PRMT7: variants seen among roughly 807,000 people sequenced by gnomAD.
PRMT7 encodes the protein protein arginine N-methyltransferase 7.
Under a neutral mutation model 85.4 loss-of-function variants are expected in PRMT7, and 75 were observed. That is an observed-to-expected ratio of 0.88 (90% CI 0.73 to 1.06). The LOEUF is 1.06. Among genes scored for constraint, PRMT7 ranks in the 50% least tolerant of loss-of-function variants. PRMT7 has a pLI of 0.00. For synonymous variants in PRMT7, 397 were observed against 359.5 expected (o/e 1.10, Z -1.18); for missense variants, 868 against 915.2 (o/e 0.95, Z 0.67).
At chr16:68,335,066 G>A (rs979871138) in intron 6 of PRMT7, among the ~76,000 whole-genome samples, 1 of 152,144 alleles carries the variant, frequency 6.6e-6, no homozygotes, top group Non-Finnish European at 1.5e-5. Flanking sequence ...CAAAGTGCTG[G>A]AATTACAGGT....
chr16:68,357,087 G>GCCGTCTACTTCTTCAGC lies in PRMT7; in HGVS notation c.1945_1961dup (p.Ala655SerfsTer48). On this transcript the variant is annotated frameshift_variant, in exon 19 of 19. Transcript: ENST00000441236. LOFTEE classifies it low-confidence loss of function (END_TRUNC). ...CTGCTGGAACCCCCACTGCAAGCAG[G>GCCGTCTACTTCTTCAGC]CCGTCTACTTCTTCAGCCCTGCCCC... 1 of 1,612,700 alleles carries GCCGTCTACTTCTTCAGC rather than the reference G, an allele frequency of 6.2e-7. No individual in the cohort carries two copies. The highest frequency in any genetic ancestry group is 8.5e-7 in the Non-Finnish European group (1 of 1,179,412).
At chr16:68,348,232 C>A in intron 13 of PRMT7, 110 bp from the exon 14 acceptor site, 1 of 914,362 alleles carries the variant, frequency 1.1e-6, no homozygotes. Flanking sequence ...TGTTCCAGAA[C>A]CATTTGCCGG....
At chr16:68,314,844 T>C (rs1317676143) in intron 2 of PRMT7, among the ~76,000 whole-genome samples, 1 of 152,214 alleles carries the variant, frequency 6.6e-6, no homozygotes, top group Non-Finnish European at 1.5e-5. Context: ...AGACAGGCCA[T>C]ACAAGACGTG....
intron 3 of PRMT7, chr16:68,316,762 G>T (rs2151358967): frequency 6.6e-6 from 1 of 152,184 alleles, no homozygotes; most frequent in Middle Eastern, 3.5e-3. Flanking sequence ...GCGAAACTCT[G>T]TCTCAAAAAA....
chr16:68,340,067 G>T, intron 9 of PRMT7, 99 bp downstream of exon 9: 1 of 1,266,532 alleles, frequency 7.9e-7, no homozygotes, highest in Non-Finnish European at 1.1e-6. Flanking sequence ...AGAATTTAGA[G>T]ACAGGAGGGC....
intron 16 of PRMT7, 185 bp from the exon 17 acceptor site, chr16:68,355,538 G>A (rs2088243269): frequency 1.9e-6 from 1 of 522,000 alleles, no homozygotes; most frequent in South Asian, 4.9e-5. Context: ...AGCGGTGCCT[G>A]GGGAGCCACT....
At chr16:68,318,089 C>A (rs1366515617) in intron 3 of PRMT7, among the ~76,000 whole-genome samples, 1 of 151,956 alleles carries the variant, frequency 6.6e-6, no homozygotes, top group African/African-American at 2.4e-5. Flanking sequence ...ATATATACTT[C>A]AATATAGTAA....
At chr16:68,332,778 C>A (rs190158729) in intron 6 of PRMT7, among the ~76,000 whole-genome samples, 1 of 152,182 alleles carries the variant, frequency 6.6e-6, no homozygotes, top group Non-Finnish European at 1.5e-5. Context: ...TCACCTCTTA[C>A]CCTATACTGT....
intron 15 of PRMT7, among the ~76,000 whole-genome samples, chr16:68,352,856 A>AT (rs1681842619): frequency 6.6e-6 from 1 of 152,198 alleles, no homozygotes; most frequent in Non-Finnish European, 1.5e-5. Flanking sequence ...TGGGAAGGGC[A>AT]TTTTTATTAA....
Position 68,339,849 on chromosome 16 carries a change from C to CTT in PRMT7, c.809_810insTT (p.Thr271Ter). The CTT allele has an allele frequency of 6.2e-7, 1 of 1,614,216 alleles. No homozygotes were observed. Among genetic ancestry groups the CTT allele is most frequent in the South Asian group, 1.1e-5 (1 of 91,084 alleles). On this transcript the variant is annotated frameshift_variant, in exon 9 of 19. Coordinates refer to ENST00000441236, the MANE Select transcript of PRMT7 (RefSeq NM_019023.5). LOFTEE classifies it high-confidence loss of function. ...CTGCCATAGCAGGCGGTTTGAACCT[C>CTT]TGACATCTGGCCGAGCTCAGGTGGT...
At chr16:68,340,387 C>T (rs2085326553) in intron 9 of PRMT7, among the ~76,000 whole-genome samples, 3 of 152,098 alleles carry the variant, frequency 2.0e-5, no homozygotes, top group African/African-American at 7.2e-5. Context: ...AAAGGAAATA[C>T]AGATGATGGG....
At chr16:68,341,039 G>C (rs931975003) in intron 9 of PRMT7, among the ~76,000 whole-genome samples, 3 of 152,202 alleles carry the variant, frequency 2.0e-5, no homozygotes, top group Admixed American at 6.5e-5. Context: ...CATATAAGGA[G>C]GTCTTTGGAA....
intron 6 of PRMT7, among the ~76,000 whole-genome samples, chr16:68,332,707 C>A (rs761785840): frequency 1.5e-4 from 23 of 152,174 alleles, no homozygotes; most frequent in Non-Finnish European, 2.8e-4. Context: ...GTTCCAGCTG[C>A]TTCCACTTCC....
chr16:68,337,627 C>A, intron 7 of PRMT7, 56 bp downstream of exon 7: 1 of 1,229,560 alleles, frequency 8.1e-7, no homozygotes, highest in South Asian at 1.3e-5. Flanking sequence ...GCTCACATAG[C>A]ACTCACTCAT....
chr16:68,355,374 C>T (rs570984618), intron 16 of PRMT7: 224 of 194,086 alleles, frequency 1.2e-3, no homozygotes, highest in Admixed American at 5.2e-3. Flanking sequence ...CCCTGTGGCC[C>T]GGGGCCCACC....
At chr16:68,338,595 G>A (rs2065644421) in intron 7 of PRMT7, among the ~76,000 whole-genome samples, 1 of 152,120 alleles carries the variant, frequency 6.6e-6, no homozygotes, top group Admixed American at 6.5e-5. Flanking sequence ...GGAAGGCAGC[G>A]GGAGTGAGTC....
chr16:68,327,403 C>T (rs1249728151), intron 5 of PRMT7, among the ~76,000 whole-genome samples: 7 of 151,952 alleles, frequency 4.6e-5, no homozygotes, highest in Admixed American at 3.3e-4. Context: ...CAGGGAAACT[C>T]GAAGAGTTCA....
At position 68,323,221 on chromosome 16, in the gene PRMT7, C is replaced by CTTT. The variant is rs201213218; in HGVS notation, c.133-1451_133-1449dup. Reference sequence around the variant, plus strand: ...TCTTTTTTTTCTTTTTTCTTTCTTTCTTTTTTTTTTTTTAACAAGAATGAG... The same window carrying CTTT: ...TCTTTTTTTTCTTTTTTCTTTCTTTCTTTTTTTTTTTTTTTTAACAAGAATGAG... On this transcript the variant is annotated intron_variant, in intron 4 of 18. Coordinates refer to ENST00000441236, the MANE Select transcript of PRMT7 (RefSeq NM_019023.5). Among the ~76,000 whole-genome samples, 974 of 142,844 alleles carry CTTT rather than the reference C, an allele frequency of 6.8e-3. 14 individuals are homozygous for CTTT. The highest frequency in any genetic ancestry group is 0.023 in the African/African-American group (880 of 38,392). 93.7% of individuals were successfully genotyped at this position (142,844 alleles called of 152,430 possible).
chr16:68,329,159 G>T lies in PRMT7; in HGVS notation c.376G>T (p.Val126Leu). The T allele has an allele frequency of 6.3e-7, 1 of 1,595,866 alleles. No homozygotes were observed. The highest frequency in any genetic ancestry group is 8.6e-7 in the Non-Finnish European group (1 of 1,163,536). The change falls in exon 6 of 19, where the codon GTG becomes TTG. Residue 126 changes from valine to leucine, a missense_variant. Coordinates refer to ENST00000441236, the MANE Select transcript of PRMT7 (RefSeq NM_019023.5). ...GGTTATCAACAAGCATTCCACCGAG[G>T]TGACTGTAGGTCCAGGTGAGATTTA... is the stretch of plus-strand genomic sequence containing the variant. ...IKVINKHSTE[V>L]TVGPEGDMPC... is the part of the protein sequence containing the mutation.
Sources: gnomAD v4.1 joint callset for allele counts (sites outside exome capture counted in the v4.1 genomes callset) on GRCh38, gnomAD v4.1.1 for gene constraint, MANE v1.5 for transcripts, NCBI Gene and HGNC (gene_info 2026-07-23, HGNC 2026-07-21) for gene names.